RTN1: variants seen among roughly 807,000 people sequenced by gnomAD.
RTN1 encodes the protein reticulon-1.
RTN1 carries 25 observed loss-of-function variants against 65.5 expected under a neutral mutation model. The observed-to-expected ratio is 0.38, with a 90% CI of 0.28 to 0.53. RTN1 has a LOEUF of 0.53. Among genes scored for constraint, RTN1 ranks in the 20% least tolerant of loss-of-function variants. RTN1 has a pLI of 0.79. For synonymous variants in RTN1, 471 were observed against 447.6 expected, an observed-to-expected ratio of 1.05 and a Z score of -0.66; for missense variants, 983 against 1,025.4, an observed-to-expected ratio of 0.96 and a Z score of 0.57.
intron 1 of RTN1, among the ~76,000 whole-genome samples, chr14:59,806,241 T>A (rs1043290241): frequency 4.7e-5 from 7 of 150,490 alleles, no homozygotes; most frequent in Admixed American, 2.0e-4. Flanking sequence ...TCTCAAAAAA[T>A]AATAATAATA....
chr14:59,649,914 G>A (rs139471009), intron 3 of RTN1, among the ~76,000 whole-genome samples: 1 of 152,146 alleles, frequency 6.6e-6, no homozygotes, highest in Non-Finnish European at 1.5e-5. Flanking sequence ...ATACCCAAAG[G>A]ATTATAAATC....
intron 3 of RTN1, among the ~76,000 whole-genome samples, chr14:59,639,029 C>T (rs1214838940): frequency 6.6e-6 from 1 of 152,162 alleles, no homozygotes; most frequent in African/African-American, 2.4e-5. Flanking sequence ...CTTCCTTTCA[C>T]TCGAACACTT....
intron 1 of RTN1, among the ~76,000 whole-genome samples, chr14:59,828,296 G>GTTAAC (rs1887068127): frequency 6.6e-6 from 1 of 152,182 alleles, no homozygotes. Context: ...GAAGTATTGG[G>GTTAAC]TTAACTATAC....
intron 1 of RTN1, among the ~76,000 whole-genome samples, chr14:59,767,447 G>A (rs941372929): frequency 4.6e-5 from 7 of 152,252 alleles, no homozygotes; most frequent in African/African-American, 1.2e-4. Flanking sequence ...TTACCTGACC[G>A]CTCACCTACC....
In RTN1 at chr14:59,675,052, T is replaced by TACACACAC. The variant is rs5809041; in HGVS notation, c.1765+51859_1765+51866dup. Among the ~76,000 whole-genome samples, 240 of 148,242 alleles carry TACACACAC rather than the reference T, an allele frequency of 1.6e-3. 2 individuals carry two copies. Among genetic ancestry groups the TACACACAC allele is most frequent in the African/African-American group, 5.8e-3 (234 of 40,354 alleles). On this transcript the variant is annotated intron_variant, in intron 3 of 8. Coordinates refer to ENST00000267484, the MANE Select transcript of RTN1 (RefSeq NM_021136.3). Reference sequence around the variant, plus strand: ...CAGCCCAGTGGGGTATGCAGATGAATACACACACACACACACACACACACA... The same window carrying TACACACAC: ...CAGCCCAGTGGGGTATGCAGATGAATACACACACACACACACACACACACACACACACA...
chr14:59,601,564 C>G (rs1454966743), intron 8 of RTN1, among the ~76,000 whole-genome samples: 1 of 152,150 alleles, frequency 6.6e-6, no homozygotes, highest in Non-Finnish European at 1.5e-5. Flanking sequence ...AGGTACTCCT[C>G]TTTTTGGACT....
At chr14:59,709,656 G>A (rs1884374245) in intron 3 of RTN1, among the ~76,000 whole-genome samples, 1 of 152,104 alleles carries the variant, frequency 6.6e-6, no homozygotes, top group Non-Finnish European at 1.5e-5. Flanking sequence ...GCCTGCCTAT[G>A]GGGGTCCAGG....
Position 59,836,093 on chromosome 14 carries a change from T to C in RTN1, c.241+34297A>G, listed in dbSNP as rs575650623. 1.3e-5 allele frequency among the ~76,000 whole-genome samples: 2 copies of C among 152,292 alleles called. No individual in the cohort carries two copies. Among genetic ancestry groups the C allele is most frequent in the South Asian group, 2.1e-4 (1 of 4,828 alleles). ...CACTCTGACTCTGCTTCTTCCCTCTTAGAAGGACCCTCGTGATTGCACTGG... is the reference window on the plus strand; with the variant it reads ...CACTCTGACTCTGCTTCTTCCCTCTCAGAAGGACCCTCGTGATTGCACTGG... On this transcript the variant is annotated intron_variant, in intron 1 of 8. Coordinates refer to ENST00000267484, the MANE Select transcript of RTN1 (RefSeq NM_021136.3). This position sits in a 1 kb window ranked among gnomAD's most constrained non-coding sequence, Gnocchi z 4.9.
chr14:59,836,324 C>T lies in RTN1; in HGVS notation c.241+34066G>A, dbSNP rs991461117. Among the ~76,000 whole-genome samples, 1 of 152,246 alleles carries T rather than the reference C, an allele frequency of 6.6e-6. No homozygotes were observed. Among genetic ancestry groups the T allele is most frequent in the Non-Finnish European group, 1.5e-5 (1 of 68,050 alleles). On this transcript the variant is annotated intron_variant, in intron 1 of 8. Coordinates refer to ENST00000267484, the MANE Select transcript of RTN1 (RefSeq NM_021136.3). This position sits in a 1 kb window ranked among gnomAD's most constrained non-coding sequence, Gnocchi z 4.9. ...CAGGCATGCTGCCAAGGGCTTTACA[C>T]GCATCATCCCACTGAATCATTCTGA...
rs1022307421 is a variant in RTN1 at position 59,832,990 on chromosome 14, GC to G, written c.241+37399del. Among the ~76,000 whole-genome samples, 15 of 152,244 alleles carry G rather than the reference GC, an allele frequency of 9.9e-5. 1 individual carries two copies. Among genetic ancestry groups the G allele is most frequent in the Admixed American group, 6.5e-4 (10 of 15,288 alleles). ...TGTGCTCTTCCAGCATGAAGATTGTGCCTTATTTATTTATGAATTCCCAGAG... is the reference window on the plus strand; with the variant it reads ...TGTGCTCTTCCAGCATGAAGATTGTGCTTATTTATTTATGAATTCCCAGAG... On this transcript the variant is annotated intron_variant, in intron 1 of 8. Coordinates refer to ENST00000267484, the MANE Select transcript of RTN1 (RefSeq NM_021136.3).
intron 3 of RTN1, among the ~76,000 whole-genome samples, chr14:59,720,787 T>C (rs928918149): frequency 1.3e-5 from 2 of 151,440 alleles, no homozygotes; most frequent in African/African-American, 4.9e-5. Flanking sequence ...TTCCATGGCA[T>C]AGCACATACC....
chr14:59,726,970 G>A lies in RTN1; in HGVS notation c.1714C>T (p.Pro572Ser). ...GGGGGCGGGGCGCCAGGACCTAGAG[G>A]CCCAGGGCCCTTTGTGGCCGCAGGA... Reference protein sequence around the residue: ...QSPAATKGPGPLGPGAPPPLL... With the variant: ...QSPAATKGPGSLGPGAPPPLL... Residue 572 changes from proline to serine, a missense_variant, in exon 3 of 9, where the codon CCT (proline) becomes TCT (serine). This residue lies in a region of RTN1 where 818 missense variants were observed against 801.8 expected (regional missense o/e 1.02). Coordinates refer to ENST00000267484, the MANE Select transcript of RTN1 (RefSeq NM_021136.3). The A allele has an allele frequency of 6.2e-7, 1 of 1,613,426 alleles. No homozygotes were observed. The highest frequency in any genetic ancestry group is 8.5e-7 in the Non-Finnish European group (1 of 1,179,730).
intron 3 of RTN1, among the ~76,000 whole-genome samples, chr14:59,704,458 CAG>C (rs2139450930): frequency 6.6e-6 from 1 of 152,244 alleles, no homozygotes; most frequent in South Asian, 2.1e-4. Context: ...GAAGGGGAAA[CAG>C]AAATTCTCAG....
chr14:59,865,693 G>T (rs1887785881), intron 1 of RTN1, among the ~76,000 whole-genome samples: 1 of 152,100 alleles, frequency 6.6e-6, no homozygotes, highest in Non-Finnish European at 1.5e-5. Context: ...TCTTTACAAT[G>T]ACTTTAGCCT....
chr14:59,806,776 T>C (rs1281952857), intron 1 of RTN1, among the ~76,000 whole-genome samples: 1 of 152,258 alleles, frequency 6.6e-6, no homozygotes, highest in Non-Finnish European at 1.5e-5. Context: ...TCCATCCATG[T>C]TCCTGCAAAG....
chr14:59,639,450 G>C (rs898062693), intron 3 of RTN1, among the ~76,000 whole-genome samples: 2 of 152,118 alleles, frequency 1.3e-5, no homozygotes, highest in African/African-American at 4.8e-5. Flanking sequence ...AATAAAATGA[G>C]GTATGCTTGT....
chr14:59,833,480 GA>G (rs796110510), intron 1 of RTN1, among the ~76,000 whole-genome samples: 41 of 152,182 alleles, frequency 2.7e-4, no homozygotes, highest in African/African-American at 8.9e-4. Context: ...AAATAATTGT[GA>G]AAAAGTGACA....
intron 3 of RTN1, among the ~76,000 whole-genome samples, chr14:59,623,060 G>C (rs1246231872): frequency 6.6e-6 from 1 of 152,226 alleles, no homozygotes; most frequent in African/African-American, 2.4e-5. Flanking sequence ...CTTTAAATGA[G>C]CTTTGGTGGA....
intron 3 of RTN1, chr14:59,646,843 C>G (rs1882908652): frequency 6.5e-6 from 1 of 153,224 alleles, no homozygotes; most frequent in African/African-American, 2.4e-5. Context: ...AACACAAGTA[C>G]AGAGGCCAGT....
Sources: allele counts gnomAD v4.1 joint callset (sites outside exome capture counted in the v4.1 genomes callset), GRCh38; gene constraint gnomAD v4.1.1; regional missense constraint gnomAD v4.1.1; non-coding constraint Gnocchi (gnomAD v3.1); transcripts MANE v1.5; gene names NCBI Gene and HGNC (gene_info 2026-07-23, HGNC 2026-07-21).